The following TMEM43 variants were observed in gnomAD, a reference collection of about 807,000 sequenced individuals.
TMEM43 encodes arrhythmogenic right ventricular dysplasia 5.
TMEM43 carries 45 observed loss-of-function variants against 49.6 expected under a neutral mutation model. The observed-to-expected ratio is 0.91, with a 90% confidence interval of 0.71 to 1.16. The LOEUF (loss-of-function observed/expected upper bound fraction) is 1.16, where lower values mean the gene tolerates loss of function less well. Ranked by LOEUF, TMEM43 falls within the 50% of genes most tolerant of loss-of-function variation. The pLI is 0.00. For synonymous variants in TMEM43, 199 were observed against 207.8 expected (o/e 0.96, Z 0.36); for missense variants, 532 against 516.6 (o/e 1.03, Z -0.29).
chr3:14,128,819 A>G (rs1245564378), intron 1 of TMEM43: 4 of 383,852 alleles, frequency 1.0e-5, no homozygotes, highest in Non-Finnish European at 2.1e-5. Context: ...ATAAAGGTTC[A>G]TGTATGAATA....
intron 1 of TMEM43, 48 bp downstream of exon 1, chr3:14,125,253 C>T (rs774049247): frequency 1.3e-6 from 2 of 1,581,248 alleles, no homozygotes; most frequent in South Asian, 2.3e-5. Flanking sequence ...TCCCCGTCGC[C>T]CTGGGGCTTT....
rs2124989236 is a variant in TMEM43, at chr3:14,132,944, C to G, written c.512+9C>G. On this transcript the variant is annotated intron_variant, in intron 6 of 11. Coordinates refer to ENST00000306077, the MANE Select transcript of TMEM43 (RefSeq NM_024334.3). ...GGCCACAAAAACCCCAGGTGAGAGC[C>G]AGGCCCAAGGCCTGAGTGCAGCTTT... 6 of 1,612,394 alleles carry G rather than the reference C, an allele frequency of 3.7e-6. No homozygotes were observed. Among genetic ancestry groups the G allele is most frequent in the Non-Finnish European group, 4.2e-6 (5 of 1,178,620 alleles).
In TMEM43 at chr3:14,134,907, T is replaced by C; in HGVS notation, c.705+16T>C. 3.1e-6 allele frequency: 5 copies of C among 1,614,084 alleles called. No homozygotes were observed. The highest frequency in any genetic ancestry group is 4.2e-6 in the Non-Finnish European group (5 of 1,179,982). On this transcript the variant is annotated intron_variant, in intron 8 of 11. Coordinates refer to ENST00000306077, the MANE Select transcript of TMEM43 (RefSeq NM_024334.3). Reference sequence around the variant, plus strand: ...GTATCCAGAGGTGTGCGGAGAGGCCTGGGCTCTCCAAATAGGAGGGTCAGG... The same window carrying C: ...GTATCCAGAGGTGTGCGGAGAGGCCCGGGCTCTCCAAATAGGAGGGTCAGG...
chr3:14,135,208 C>T lies in TMEM43; in HGVS notation c.756C>T (p.Asp252=), dbSNP rs1695152087. Residue 252 remains aspartate, a synonymous_variant, in exon 9 of 12, where the codon GAC becomes GAT. Coordinates refer to ENST00000306077, the MANE Select transcript of TMEM43 (RefSeq NM_024334.3). The part of the protein sequence containing the change: ...SFSYAGLSGD[D]PDLGPAHVVT... ...CCTATGCTGGACTGAGCGGCGATGA[C>T]CCTGACCTGGGCCCAGCTCACGTGG... The T allele has an allele frequency of 6.2e-7, 1 of 1,612,634 alleles. No homozygotes were observed. The highest frequency in any genetic ancestry group is 8.5e-7 in the Non-Finnish European group (1 of 1,180,002).
rs1057523392 is a variant in TMEM43, at chr3:14,134,816, G to A, written c.630G>A (p.Lys210=). The A allele has an allele frequency of 1.9e-6, 3 of 1,614,184 alleles. No individual in the cohort carries two copies. Among genetic ancestry groups the A allele is most frequent in the Non-Finnish European group, 2.5e-6 (3 of 1,180,020 alleles). ...ACTTCAAGTCCCTGAGCCTATCCAA[G>A]CTGGAGGACCCTCATGTGGACATCA... The part of the protein sequence containing the change: ...VDNFKSLSLS[K]LEDPHVDIIR... Residue 210 remains lysine (K), a synonymous_variant, in exon 8 of 12, where the codon AAG becomes AAA. Coordinates refer to ENST00000306077, the MANE Select transcript of TMEM43 (RefSeq NM_024334.3).
At chr3:14,131,546 T>A (rs749423208) in intron 3 of TMEM43, 34 bp from the exon 4 acceptor site, 3 of 1,589,374 alleles carry the variant, frequency 1.9e-6, no homozygotes, top group African/African-American at 1.3e-5. Context: ...AATGTTATCC[T>A]TTATTTTTTT....
At chr3:14,128,454 A>C (rs1317343895) in intron 1 of TMEM43, among the ~76,000 whole-genome samples, 1 of 152,070 alleles carries the variant, frequency 6.6e-6, no homozygotes, top group Non-Finnish European at 1.5e-5. Flanking sequence ...CTCTTCCCCT[A>C]AGATCTGCCT....
Position 14,131,035 on chromosome 3 carries a change from A to T in TMEM43, c.297+79A>T. ...GTTGTCTGGCTGAGGATTTGAAAGCATGGGCCTTGGAGATGGTCACACATG... is the reference window on the plus strand; with the variant it reads ...GTTGTCTGGCTGAGGATTTGAAAGCTTGGGCCTTGGAGATGGTCACACATG... On this transcript the variant is annotated intron_variant, in intron 3 of 11. Transcript: ENST00000306077. The T allele has an allele frequency of 1.9e-6, 3 of 1,546,676 alleles. No individual in the cohort carries two copies. In the South Asian group the frequency reaches 3.6e-5, roughly 19 times the overall value.
intron 10 of TMEM43, chr3:14,137,027 C>G (rs1317185170): frequency 6.7e-6 from 1 of 149,596 alleles, no homozygotes; most frequent in Non-Finnish European, 1.5e-5. Flanking sequence ...GGTTTTCATT[C>G]CAGAGTGGCC....
rs532590052 is a variant in TMEM43 at position 14,127,357 on chromosome 3, C to T, written c.13-2055C>T. Among the ~76,000 whole-genome samples, 3 of 152,250 alleles carry T rather than the reference C, an allele frequency of 2.0e-5. No individual in the cohort carries two copies. In the South Asian group the frequency reaches 6.2e-4, roughly 32 times the overall value. On this transcript the variant is annotated intron_variant, in intron 1 of 11. Coordinates refer to ENST00000306077, the MANE Select transcript of TMEM43 (RefSeq NM_024334.3). ...CTTCCCTCCAAGGCCGTCTTTGAGC[C>T]CCTTATCTTGATGCTGGCTGAGGGG...
chr3:14,141,940 A>T lies in TMEM43; in HGVS notation c.*145A>T. On this transcript the variant is annotated 3_prime_UTR_variant, in exon 12 of 12. Transcript: ENST00000306077. ...CTCCTCTTCAGGGGCCAGACTTGGC[A>T]GCATGTGCACCAGGTTGGTGTTCAC... 1.3e-6 allele frequency: 1 copy of T among 758,492 alleles called. No individual in the cohort carries two copies. The highest frequency in any genetic ancestry group is 2.7e-5 in the East Asian group (1 of 37,072). 47.0% of individuals were successfully genotyped at this position (758,492 alleles called of 1,614,324 possible).
At chr3:14,136,283 G>T (rs1413770895) in intron 10 of TMEM43, among the ~76,000 whole-genome samples, 1 of 152,226 alleles carries the variant, frequency 6.6e-6, no homozygotes, top group Non-Finnish European at 1.5e-5. Flanking sequence ...TTGGCATTCA[G>T]AAAGTTTTGG....
chr3:14,129,084 C>T lies in TMEM43; in HGVS notation c.13-328C>T, dbSNP rs117511391. On this transcript the variant is annotated intron_variant, in intron 1 of 11. Coordinates refer to ENST00000306077, the MANE Select transcript of TMEM43 (RefSeq NM_024334.3). ...GTTGTAGAAGAAACAAACTAATCTA[C>T]GGTAGGAGAAATTCAAATTCAGATT... 342 of 411,878 alleles carry T rather than the reference C, an allele frequency of 8.3e-4. 8 individuals carry two copies. The East Asian group carries it at 0.023, about 27-fold the overall frequency. The allele number at this position is 411,878 out of a possible 1,614,324, so 25.5% of individuals were successfully genotyped here.
At chr3:14,134,439 G>A (rs1025695066) in intron 7 of TMEM43, among the ~76,000 whole-genome samples, 2 of 152,188 alleles carry the variant, frequency 1.3e-5, no homozygotes, top group African/African-American at 2.4e-5. Context: ...TGTGCCAGCT[G>A]GGCCTGCCCT....
chr3:14,126,692 A>C (rs1695025793), intron 1 of TMEM43, among the ~76,000 whole-genome samples: 1 of 152,240 alleles, frequency 6.6e-6, no homozygotes. Context: ...GATAGAGATC[A>C]TCTTGGGTAC....
At chr3:14,125,836 C>G (rs1303753518) in intron 1 of TMEM43, among the ~76,000 whole-genome samples, 2 of 152,180 alleles carry the variant, frequency 1.3e-5, no homozygotes, top group Non-Finnish European at 2.9e-5. Context: ...TGGCTGAGGG[C>G]TGTTCCCTCA....
intron 1 of TMEM43, chr3:14,129,176 A>C (rs1695058872): frequency 4.6e-6 from 2 of 432,588 alleles, no homozygotes; most frequent in East Asian, 1.0e-4. Context: ...AGGGGCACAA[A>C]GAAACTTTTT....
intron 11 of TMEM43, among the ~76,000 whole-genome samples, chr3:14,139,996 T>C (rs1324842761): frequency 6.6e-6 from 1 of 152,212 alleles, no homozygotes; most frequent in African/African-American, 2.4e-5. Flanking sequence ...CCCTGGTGTG[T>C]GTCCCTTCCA....
rs10648308 is a variant in TMEM43, at chr3:14,129,307, T to TAAAA, written c.13-81_13-78dup. The TAAAA allele has an allele frequency of 1.2e-3, 464 of 380,448 alleles. 5 individuals are homozygous for TAAAA. Among genetic ancestry groups the TAAAA allele is most frequent in the African/African-American group, 8.4e-3 (242 of 28,880 alleles). 23.6% of individuals were successfully genotyped at this position (380,448 alleles called of 1,614,324 possible). On this transcript the variant is annotated intron_variant, in intron 1 of 11. Transcript: ENST00000306077. ...TGTTTTTACCACATACAGTTAAAAC[T>TAAAA]AAAAAAAAAAAAAAAAAAAAAAAAA...
Sources: gnomAD v4.1 joint callset for allele counts (sites outside exome capture counted in the v4.1 genomes callset) on GRCh38, gnomAD v4.1.1 for gene constraint, MANE v1.5 for transcripts, NCBI Gene and HGNC (gene_info 2026-07-23, HGNC 2026-07-21) for gene names.